L3MBTL3: variants seen among roughly 807,000 people sequenced by gnomAD.
L3MBTL3 encodes the protein lethal(3)malignant brain tumor-like protein 3.
Under a neutral mutation model 102.3 loss-of-function variants are expected in L3MBTL3, and 27 were observed. The observed-to-expected ratio is 0.26, with a 90% CI of 0.19 to 0.36. The LOEUF (loss-of-function observed/expected upper bound fraction) is 0.36, where lower values mean the gene tolerates loss of function less well. L3MBTL3 is among the 10% of genes least tolerant of loss of function. L3MBTL3 has a pLI of 1.00. For synonymous variants in L3MBTL3, 340 were observed against 320.9 expected (o/e 1.06, Z -0.64); for missense variants, 798 against 955.3 (o/e 0.84, Z 2.17).
intron 3 of L3MBTL3, among the ~76,000 whole-genome samples, chr6:130,047,290 A>G (rs933269201): frequency 6.6e-6 from 1 of 152,206 alleles, no homozygotes; most frequent in Non-Finnish European, 1.5e-5. Flanking sequence ...TTTACTTTGT[A>G]CTTAGACTGT....
chr6:130,129,718 A>C (rs1362686628), intron 20 of L3MBTL3, among the ~76,000 whole-genome samples: 1 of 152,184 alleles, frequency 6.6e-6, no homozygotes, highest in Non-Finnish European at 1.5e-5. Context: ...GAGTGGTACG[A>C]AATAGGGTCC....
intron 22 of L3MBTL3, 147 bp from the exon 23 acceptor site, chr6:130,139,463 T>C: frequency 1.5e-6 from 1 of 678,126 alleles, no homozygotes; most frequent in South Asian, 1.9e-5. Flanking sequence ...AAGGTCCATA[T>C]ATCAAGAAAT....
rs759396438 is a variant in L3MBTL3 at position 130,083,650 on chromosome 6, A to G, written c.1352A>G (p.Asp451Gly). 9 of 1,542,462 alleles carry G rather than the reference A, an allele frequency of 5.8e-6. No individual in the cohort carries two copies. Among genetic ancestry groups the G allele is most frequent in the Admixed American group, 2.1e-5 (1 of 47,466 alleles). ...CCAAATGTGAAACATTTTTCTTGGG[A>G]TAAATACTTAGAAGAAACCAATTCT... ...GYPNVKHFSW[D>G]KYLEETNSLP... The change falls in exon 15 of 23, where the codon GAT becomes GGT. Residue 451 changes from aspartate (D) to glycine (G), a missense_variant. Coordinates refer to ENST00000361794, the MANE Select transcript of L3MBTL3 (RefSeq NM_032438.4).
intron 1 of L3MBTL3, among the ~76,000 whole-genome samples, chr6:130,019,956 G>C (rs1396333459): frequency 2.2e-5 from 3 of 137,154 alleles, no homozygotes; most frequent in Non-Finnish European, 4.8e-5. Flanking sequence ...GTGCGGGCGC[G>C]GGCGCGGGCG....
chr6:130,116,578 C>T (rs185418217), intron 19 of L3MBTL3, among the ~76,000 whole-genome samples: 5 of 152,170 alleles, frequency 3.3e-5, no homozygotes, highest in Admixed American at 1.3e-4. Context: ...CATAGTGACA[C>T]GCTGTTTCTA....
chr6:130,094,393 G>C (rs374608991), intron 18 of L3MBTL3, 26 bp downstream of exon 18: 4 of 1,514,776 alleles, frequency 2.6e-6, no homozygotes, highest in Non-Finnish European at 3.7e-6. Flanking sequence ...CACTCACTTG[G>C]TCAGATATAG....
In L3MBTL3 at chr6:130,140,689, AAG is replaced by A. The variant is rs1339703269; in HGVS notation, c.*939_*940del. On this transcript the variant is annotated 3_prime_UTR_variant, in exon 23 of 23. Coordinates refer to ENST00000361794, the MANE Select transcript of L3MBTL3 (RefSeq NM_032438.4). The stretch of plus-strand genomic sequence containing the variant: ...GAAATTGTGGTGGTTTACAGAGACT[AAG>A]AGCTCATTCTGTCAACAGAAACACT... 6.6e-6 allele frequency: 1 copy of A among 152,228 alleles called. No homozygotes were observed. The highest frequency in any genetic ancestry group is 6.5e-5 in the Admixed American group (1 of 15,278). The allele number at this position is 152,228 out of a possible 1,614,324, so 9.4% of individuals were successfully genotyped here.
At chr6:130,126,170 A>G (rs60941481) in intron 20 of L3MBTL3, among the ~76,000 whole-genome samples, 2,955 of 146,610 alleles carry the variant, frequency 0.02, 107 homozygotes, top group African/African-American at 0.071. Flanking sequence ...CATTCCTACC[A>G]TTATGGAAGT....
intron 2 of L3MBTL3, among the ~76,000 whole-genome samples, chr6:130,031,796 CTGGTGCCA>C (rs993412099): frequency 3.3e-5 from 5 of 151,906 alleles, no homozygotes; most frequent in Admixed American, 3.3e-4. Context: ...GCAGTCTTTT[CTGGTGCCA>C]TGTAAATATG....
intron 2 of L3MBTL3, among the ~76,000 whole-genome samples, chr6:130,039,218 T>A (rs1282331169): frequency 6.6e-6 from 1 of 152,152 alleles, no homozygotes; most frequent in African/African-American, 2.4e-5. Flanking sequence ...AGAGCAAATT[T>A]CTCACATTAC....
intron 20 of L3MBTL3, among the ~76,000 whole-genome samples, chr6:130,132,443 C>T (rs1161460780): frequency 6.6e-6 from 1 of 152,114 alleles, no homozygotes; most frequent in Admixed American, 6.6e-5. Flanking sequence ...GTGAACTTTA[C>T]ACTTAGTGAT....
At chr6:130,114,766 A>G (rs1785555497) in intron 19 of L3MBTL3, among the ~76,000 whole-genome samples, 1 of 152,182 alleles carries the variant, frequency 6.6e-6, no homozygotes, top group African/African-American at 2.4e-5. Context: ...ATCATCTCAA[A>G]AGGAATTTAA....
rs1782605250 is a variant in L3MBTL3 at position 130,071,015 on chromosome 6, G to A, written c.1132G>A (p.Glu378Lys). 6.2e-7 allele frequency: 1 copy of A among 1,613,284 alleles called. No individual in the cohort carries two copies. Among genetic ancestry groups the A allele is most frequent in the African/African-American group, 1.3e-5 (1 of 74,818 alleles). Residue 378 changes from glutamate (E) to lysine (K), a missense_variant, in exon 13 of 23, where the codon GAG becomes AAG. Physicochemically the swap from Glu to Lys is moderately conservative, Grantham distance 56. Around this residue, in one of 4 missense-constraint regions of L3MBTL3, gnomAD observed 434 missense variants for 506.6 expected, o/e 0.86. Coordinates refer to ENST00000361794, the MANE Select transcript of L3MBTL3 (RefSeq NM_032438.4). Reference sequence around the variant, plus strand: ...GGGCTTTCGAGTTGGTATGAAGCTTGAGGCAGTAGACAAAAAGAATCCCTC... The same window carrying A: ...GGGCTTTCGAGTTGGTATGAAGCTTAAGGCAGTAGACAAAAAGAATCCCTC... ...PSGFRVGMKL[E>K]AVDKKNPSFI...
At chr6:130,043,280 T>C (rs1780537792) in intron 3 of L3MBTL3, among the ~76,000 whole-genome samples, 1 of 152,236 alleles carries the variant, frequency 6.6e-6, no homozygotes, top group South Asian at 2.1e-4. Flanking sequence ...TTAATTATAC[T>C]GTAAATATGG....
chr6:130,081,438 A>G (rs1440658597), intron 14 of L3MBTL3, among the ~76,000 whole-genome samples: 1 of 138,836 alleles, frequency 7.2e-6, no homozygotes, highest in Non-Finnish European at 1.6e-5. Flanking sequence ...TTTTTTTTTG[A>G]GACGGATTCT....
Position 130,140,787 on chromosome 6 carries a change from A to G in L3MBTL3, c.*1034A>G, listed in dbSNP as rs1029748496. On this transcript the variant is annotated 3_prime_UTR_variant, in exon 23 of 23. Coordinates refer to ENST00000361794, the MANE Select transcript of L3MBTL3 (RefSeq NM_032438.4). The stretch of plus-strand genomic sequence containing the variant: ...CCAAAGGTTTTTTTCAGGGTTGGCT[A>G]GAGAGCGAGTATTGTGATTTTGCTG... 2 of 152,324 alleles carry G rather than the reference A, an allele frequency of 1.3e-5. No homozygotes were observed. Among genetic ancestry groups the G allele is most frequent in the Middle Eastern group, 3.1e-3 (1 of 318 alleles). 9.4% of individuals were successfully genotyped at this position (152,324 alleles called of 1,614,324 possible). A position where few individuals can be genotyped will look rare whatever the true frequency, so the allele number is the denominator to read the frequency against.
At chr6:130,030,046 A>G (rs1318560085) in intron 2 of L3MBTL3, among the ~76,000 whole-genome samples, 2 of 152,108 alleles carry the variant, frequency 1.3e-5, no homozygotes, top group Non-Finnish European at 2.9e-5. Context: ...TTCAGTAGAG[A>G]TAGGGTTTCA....
At chr6:130,058,774 G>T (rs954476365) in intron 9 of L3MBTL3, among the ~76,000 whole-genome samples, 1 of 152,190 alleles carries the variant, frequency 6.6e-6, no homozygotes, top group South Asian at 2.1e-4. Context: ...CAGTAAGATT[G>T]TTTACAAAAA....
intron 3 of L3MBTL3, among the ~76,000 whole-genome samples, chr6:130,049,049 T>C (rs534811385): frequency 3.0e-4 from 45 of 152,056 alleles, no homozygotes; most frequent in African/African-American, 6.0e-4. Flanking sequence ...AGCAGGGTCA[T>C]TGGTATCCTT....
Sources: gnomAD v4.1 joint callset for allele counts (sites outside exome capture counted in the v4.1 genomes callset) on GRCh38, gnomAD v4.1.1 for gene constraint, gnomAD v4.1.1 regional missense constraint, MANE v1.5 for transcripts, NCBI Gene and HGNC (gene_info 2026-07-23, HGNC 2026-07-21) for gene names.